KCNAB1: variants seen among roughly 807,000 people sequenced by gnomAD.
The protein encoded by KCNAB1 is potassium voltage-gated channel subfamily A regulatory beta subunit 1, also known as voltage-gated potassium channel subunit beta-1.
In KCNAB1, 35 loss-of-function variants were observed where a neutral mutation model predicts 64.6. That is an observed-to-expected ratio of 0.54 (90% CI 0.41 to 0.72). KCNAB1 has a LOEUF of 0.72. Among genes scored for constraint, KCNAB1 ranks in the 30% least tolerant of loss-of-function variants. The pLI, the probability that KCNAB1 is intolerant of heterozygous loss-of-function variation, is 0.00. For synonymous variants in KCNAB1, 177 were observed against 183.8 expected, an observed-to-expected ratio of 0.96 and a Z score of 0.30; for missense variants, 401 against 512.9, an observed-to-expected ratio of 0.78 and a Z score of 2.11.
At chr3:156,223,903 T>C (rs894441760) in intron 1 of KCNAB1, among the ~76,000 whole-genome samples, 1 of 152,258 alleles carries the variant, frequency 6.6e-6, no homozygotes, top group Non-Finnish European at 1.5e-5. Context: ...TCCTGCGCCA[T>C]GTGCCCGCAC....
chr3:156,357,560 TAG>T (rs1282864585), intron 1 of KCNAB1, among the ~76,000 whole-genome samples: 1 of 152,142 alleles, frequency 6.6e-6, no homozygotes, highest in Non-Finnish European at 1.5e-5. Flanking sequence ...TTTTAAATGA[TAG>T]AGAGTGCTAC....
chr3:156,308,164 G>A (rs1158490171), intron 1 of KCNAB1, among the ~76,000 whole-genome samples: 3 of 152,204 alleles, frequency 2.0e-5, no homozygotes, highest in African/African-American at 7.2e-5. Flanking sequence ...AAGAAAGTGA[G>A]CAAGTGAGCC....
At chr3:156,120,462 C>G (rs1012456359), upstream of KCNAB1, 2 of 883,360 alleles carry the variant, frequency 2.3e-6, no homozygotes, top group Non-Finnish European at 3.5e-6. Flanking sequence ...TCATCCCAAG[C>G]CACAGACTGG....
At chr3:156,186,033 C>A (rs1313899505) in intron 1 of KCNAB1, among the ~76,000 whole-genome samples, 1 of 152,196 alleles carries the variant, frequency 6.6e-6, no homozygotes, top group Admixed American at 6.5e-5. Flanking sequence ...CTCTTCTCTG[C>A]ATCTACATAG....
chr3:156,488,601 T>A (rs1469961560), intron 8 of KCNAB1, among the ~76,000 whole-genome samples: 1 of 152,112 alleles, frequency 6.6e-6, no homozygotes, highest in Non-Finnish European at 1.5e-5. Flanking sequence ...GCTCTCTGAA[T>A]TTTTGACAAA....
intron 1 of KCNAB1, among the ~76,000 whole-genome samples, chr3:156,148,987 G>A (rs1258681846): frequency 1.3e-5 from 2 of 152,030 alleles, no homozygotes; most frequent in Non-Finnish European, 2.9e-5. Context: ...CTCTTCAAAC[G>A]ATGTAATACG....
intron 2 of KCNAB1, among the ~76,000 whole-genome samples, chr3:156,424,834 A>G (rs1367706964): frequency 6.6e-6 from 1 of 152,224 alleles, no homozygotes; most frequent in Non-Finnish European, 1.5e-5. Context: ...GGCTTGATTC[A>G]GGAGCAGCAA....
At chr3:156,458,552 A>G (rs3755632) in intron 4 of KCNAB1, among the ~76,000 whole-genome samples, 4,434 of 152,272 alleles carry the variant, frequency 0.029, 169 homozygotes, top group East Asian at 0.12. Context: ...TTTTCCTTGC[A>G]TGAGTTTCCT....
intron 1 of KCNAB1, among the ~76,000 whole-genome samples, chr3:156,327,089 A>G (rs1560197463): frequency 6.6e-6 from 1 of 152,184 alleles, no homozygotes; most frequent in Non-Finnish European, 1.5e-5. Flanking sequence ...TATTTTAAAA[A>G]ATCTGGTTAA....
intron 1 of KCNAB1, among the ~76,000 whole-genome samples, chr3:156,145,882 G>A (rs1279714080): frequency 2.0e-5 from 3 of 151,814 alleles, no homozygotes; most frequent in Non-Finnish European, 2.9e-5. Flanking sequence ...CATATAAATG[G>A]ATAAGAGAAT....
At chr3:156,374,377 T>C (rs1215338526) in intron 1 of KCNAB1, among the ~76,000 whole-genome samples, 2 of 137,944 alleles carry the variant, frequency 1.4e-5, no homozygotes, top group African/African-American at 3.2e-5. Flanking sequence ...CTCACTAATT[T>C]TGGCCATGAA....
At chr3:156,166,072 C>T (rs1281474887) in intron 1 of KCNAB1, among the ~76,000 whole-genome samples, 1 of 152,144 alleles carries the variant, frequency 6.6e-6, no homozygotes, top group African/African-American at 2.4e-5. Context: ...AGATGTTCAG[C>T]GAACATTTGT....
chr3:156,153,800 A>C (rs1009289076), intron 1 of KCNAB1, among the ~76,000 whole-genome samples: 2 of 152,190 alleles, frequency 1.3e-5, no homozygotes, highest in African/African-American at 4.8e-5. Context: ...CCATTGACCC[A>C]CCTGAATCTC....
intron 1 of KCNAB1, among the ~76,000 whole-genome samples, chr3:156,182,632 C>G (rs1211839931): frequency 6.6e-6 from 1 of 151,542 alleles, no homozygotes; most frequent in African/African-American, 2.4e-5. Context: ...TTTTTTTTCC[C>G]CCCCCCGGGT....
chr3:156,139,357 G>T (rs562752044), intron 1 of KCNAB1, among the ~76,000 whole-genome samples: 1 of 152,272 alleles, frequency 6.6e-6, no homozygotes, highest in East Asian at 1.9e-4. Flanking sequence ...AGGGACACAT[G>T]GGAGAGGGCT....
intron 1 of KCNAB1, among the ~76,000 whole-genome samples, chr3:156,342,088 A>G (rs946033769): frequency 5.3e-5 from 8 of 152,182 alleles, no homozygotes; most frequent in Middle Eastern, 3.2e-3. Context: ...TTCATTGTGG[A>G]TGCCACTTGG....
In KCNAB1 at chr3:156,375,622, T is replaced by C. The variant is rs1272340597; in HGVS notation, c.276-45994T>C. On this transcript the variant is annotated intron_variant, in intron 1 of 13. Transcript: ENST00000490337. ...GTGTGGAGGCACATGTGCATGTGTG[T>C]GTTGTCCAGGGAAAGTCTCTCAAAG... Among the ~76,000 whole-genome samples the C allele has an allele frequency of 3.0e-5, 4 of 135,268 alleles. 1 individual carries two copies. The highest frequency in any genetic ancestry group is 1.0e-4 in the African/African-American group (3 of 30,120). The allele number at this position is 135,268 out of a possible 152,430, so 88.7% of individuals were successfully genotyped here.
At chr3:156,498,559 C>T (rs185273063) in intron 8 of KCNAB1, among the ~76,000 whole-genome samples, 1 of 152,320 alleles carries the variant, frequency 6.6e-6, no homozygotes, top group East Asian at 1.9e-4. Context: ...CCATATGGAA[C>T]TGTTAAATCC....
intron 8 of KCNAB1, among the ~76,000 whole-genome samples, chr3:156,482,764 A>G (rs1393210049): frequency 6.6e-6 from 1 of 152,110 alleles, no homozygotes; most frequent in Non-Finnish European, 1.5e-5. Context: ...TTGAGATAAT[A>G]TACACAAAAT....
Sources: allele counts gnomAD v4.1 joint callset (sites outside exome capture counted in the v4.1 genomes callset), GRCh38; gene constraint gnomAD v4.1.1; transcripts MANE v1.5; gene names NCBI Gene and HGNC (gene_info 2026-07-23, HGNC 2026-07-21).